ZBTB46: variants seen among roughly 807,000 people sequenced by gnomAD.
ZBTB46 encodes zinc finger and BTB domain containing 46.
In ZBTB46, 8 loss-of-function variants were observed where a neutral mutation model predicts 44.1. The ratio of observed to expected loss-of-function variants is 0.18; its 90% CI spans 0.11 to 0.33. The LOEUF (loss-of-function observed/expected upper bound fraction) is 0.33. Ranked by LOEUF, ZBTB46 falls within the 10% of genes least tolerant of loss-of-function variation. The pLI is 1.00. For missense variants in ZBTB46, 651 were observed against 847.7 expected (o/e 0.77, Z 2.88); for synonymous variants, 409 against 382.3 (o/e 1.07, Z -0.81).
Position 63,747,018 on chromosome 20 carries a change from A to T in ZBTB46, c.1682T>A (p.Leu561Gln). The stretch of plus-strand genomic sequence containing the variant: ...TTCCTCATCCTTGTCGTCCGCCAAC[A>T]GCGCATCCTCAGGGGCCAGGCCCTC... ...DDEGLAPEDALLADDKDEEDS... is the reference protein window; with the variant it reads ...DDEGLAPEDAQLADDKDEEDS... Residue 561 changes from leucine (L) to glutamine (Q), a missense_variant, in exon 5 of 5, where the codon CTG (leucine) becomes CAG (glutamine). Coordinates refer to ENST00000245663, the MANE Select transcript of ZBTB46 (RefSeq NM_001369741.1). The T allele has an allele frequency of 6.2e-7, 1 of 1,608,222 alleles. No individual in the cohort carries two copies. Among genetic ancestry groups the T allele is most frequent in the Non-Finnish European group, 8.5e-7 (1 of 1,179,578 alleles).
intron 3 of ZBTB46, among the ~76,000 whole-genome samples, chr20:63,766,816 G>A (rs1282084452): frequency 3.3e-5 from 5 of 152,246 alleles, no homozygotes; most frequent in Admixed American, 3.3e-4. Context: ...AGCTGCAGTG[G>A]AGATGGGGAC....
chr20:63,795,362 C>T (rs1035721126), intron 1 of ZBTB46, among the ~76,000 whole-genome samples: 2 of 152,224 alleles, frequency 1.3e-5, no homozygotes, highest in Non-Finnish European at 2.9e-5. Flanking sequence ...ACCAGGTGCA[C>T]GGGACGCTGC....
chr20:63,807,922 G>A (rs1433276416), intron 1 of ZBTB46, among the ~76,000 whole-genome samples: 1 of 145,150 alleles, frequency 6.9e-6, no homozygotes, highest in Non-Finnish European at 1.5e-5. Context: ...CTTCCCACAG[G>A]GGACACTCAC....
intron 1 of ZBTB46, among the ~76,000 whole-genome samples, chr20:63,801,495 C>T (rs1381178394): frequency 1.3e-5 from 2 of 152,162 alleles, no homozygotes; most frequent in Admixed American, 1.3e-4. Flanking sequence ...AGCAGGCTGC[C>T]CCAACCAGCA....
intron 1 of ZBTB46, among the ~76,000 whole-genome samples, chr20:63,809,728 G>A (rs1035456334): frequency 2.0e-5 from 3 of 152,188 alleles, no homozygotes; most frequent in Non-Finnish European, 4.4e-5. Flanking sequence ...GAGGGAAGCC[G>A]GGGCGAGCAG....
chr20:63,769,429 C>A (rs1359466575), intron 3 of ZBTB46: 1 of 985,290 alleles, frequency 1.0e-6, no homozygotes, highest in Non-Finnish European at 1.2e-6. Flanking sequence ...GAACGCGCAC[C>A]AGCTGCTGGG....
intron 1 of ZBTB46, among the ~76,000 whole-genome samples, chr20:63,811,397 C>T (rs937414188): frequency 3.3e-5 from 5 of 152,246 alleles, no homozygotes; most frequent in Admixed American, 6.5e-5. Context: ...GAAGACACTA[C>T]AGCCCCAGGC....
intron 3 of ZBTB46, among the ~76,000 whole-genome samples, chr20:63,756,211 C>T (rs2092219160): frequency 6.6e-6 from 1 of 152,222 alleles, no homozygotes; most frequent in African/African-American, 2.4e-5. Flanking sequence ...AGAATCGGAC[C>T]TGTCCTAAAT....
Position 63,752,725 on chromosome 20 carries a change from C to T in ZBTB46, c.1359G>A (p.Lys453=). ...TCATGTGCTCGCGCCGCGTGAACTT[C>T]TTCCCGCAGATCTCGCAGGGGTAGG... ...ERPYPCEICG[K]KFTRREHMKR... Residue 453 remains lysine, a synonymous_variant, in exon 4 of 5, where the codon AAG becomes AAA. Coordinates refer to ENST00000245663, the MANE Select transcript of ZBTB46 (RefSeq NM_001369741.1). This position sits in a 1 kb window ranked among gnomAD's most constrained non-coding sequence, Gnocchi z 5.6. 1.2e-6 allele frequency: 2 copies of T among 1,607,976 alleles called. No homozygotes were observed. The highest frequency in any genetic ancestry group is 1.7e-6 in the Non-Finnish European group (2 of 1,177,134).
At chr20:63,789,332 T>C (rs2092540705) in intron 2 of ZBTB46, among the ~76,000 whole-genome samples, 1 of 152,088 alleles carries the variant, frequency 6.6e-6, no homozygotes, top group Non-Finnish European at 1.5e-5. Flanking sequence ...CAACATTCAC[T>C]ATAGCAACAG....
chr20:63,814,889 A>T (rs897525207), intron 1 of ZBTB46: 1 of 152,556 alleles, frequency 6.6e-6, no homozygotes, highest in African/African-American at 2.4e-5. Context: ...TTTTCCAGGG[A>T]TCTTACTGGA....
intron 3 of ZBTB46, among the ~76,000 whole-genome samples, chr20:63,758,059 C>T: frequency 1.3e-5 from 1 of 77,854 alleles, no homozygotes; most frequent in Non-Finnish European, 2.4e-5. Flanking sequence ...CCAGAGCTCA[C>T]ACTCCCTCCA....
chr20:63,755,317 A>G (rs1287739051), intron 3 of ZBTB46, among the ~76,000 whole-genome samples: 2 of 152,254 alleles, frequency 1.3e-5, no homozygotes, highest in Admixed American at 1.3e-4. Context: ...TCAGAGATCA[A>G]GGCATCAGCA....
At chr20:63,784,056 C>T (rs1265796543) in intron 2 of ZBTB46, among the ~76,000 whole-genome samples, 2 of 152,192 alleles carry the variant, frequency 1.3e-5, no homozygotes, top group African/African-American at 4.8e-5. Flanking sequence ...GTGATCAGGA[C>T]GGCTGAGACC....
At chr20:63,758,933 G>C (rs2092249981) in intron 3 of ZBTB46, among the ~76,000 whole-genome samples, 1 of 151,914 alleles carries the variant, frequency 6.6e-6, no homozygotes, top group Non-Finnish European at 1.5e-5. Context: ...GGGTTTCACT[G>C]TGTTAGCCAG....
At chr20:63,779,241 AT>A (rs1232004185) in intron 2 of ZBTB46, among the ~76,000 whole-genome samples, 2 of 150,206 alleles carry the variant, frequency 1.3e-5, no homozygotes, top group East Asian at 3.9e-4. Flanking sequence ...TAATTAATTA[AT>A]TTATTTATTT....
chr20:63,820,407 C>A (rs6011157), intron 1 of ZBTB46, among the ~76,000 whole-genome samples: 1 of 150,998 alleles, frequency 6.6e-6, no homozygotes, highest in Non-Finnish European at 1.5e-5. Context: ...CCAATGTAAA[C>A]AGGCACACTT....
chr20:63,749,484 C>T (rs1002117609), intron 4 of ZBTB46, among the ~76,000 whole-genome samples: 1 of 152,140 alleles, frequency 6.6e-6, no homozygotes, highest in Admixed American at 6.5e-5. Context: ...CTACAGGCAC[C>T]CGCCACCACG....
At chr20:63,793,304 G>A (rs1352482719) in intron 1 of ZBTB46, among the ~76,000 whole-genome samples, 2 of 151,916 alleles carry the variant, frequency 1.3e-5, no homozygotes, top group Non-Finnish European at 1.5e-5. Context: ...TGCTGAGGCC[G>A]CCCAGTGGTT....
Sources: gnomAD v4.1 joint callset for allele counts (sites outside exome capture counted in the v4.1 genomes callset) on GRCh38, gnomAD v4.1.1 for gene constraint, Gnocchi (gnomAD v3.1) non-coding constraint, MANE v1.5 for transcripts, NCBI Gene and HGNC (gene_info 2026-07-23, HGNC 2026-07-21) for gene names.